Variants in ZNF649 observed in about 807,000 individuals in gnomAD.
ZNF649 encodes the protein zinc finger protein 649.
ZNF649 carries 7 observed loss-of-function variants against 14.1 expected under a neutral mutation model. That is an observed-to-expected ratio of 0.49 (90% CI 0.28 to 0.93). ZNF649 has a LOEUF of 0.93. ZNF649 is among the 40% of genes least tolerant of loss of function. The probability of loss-of-function intolerance (pLI) is 0.10; values close to 1 mark genes in which losing one functional copy is unlikely to be tolerated. For synonymous variants in ZNF649, 227 were observed against 212.3 expected (o/e 1.07, Z -0.60); for missense variants, 544 against 608.1 (o/e 0.89, Z 1.11).
intron 4 of ZNF649, among the ~76,000 whole-genome samples, chr19:51,892,457 T>C (rs1356951493): frequency 6.6e-6 from 1 of 151,884 alleles, no homozygotes; most frequent in African/African-American, 2.4e-5. Flanking sequence ...GGTGGGAAGA[T>C]CACTTGAGCC....
intron 4 of ZNF649, among the ~76,000 whole-genome samples, chr19:51,894,589 G>A: frequency 6.6e-6 from 1 of 152,060 alleles, no homozygotes; most frequent in East Asian, 1.9e-4. Context: ...GACCACTGTA[G>A]GTTACATTTC....
chr19:51,891,175 T>G lies in ZNF649; in HGVS notation c.961A>C (p.Ser321Arg), dbSNP rs1271540786. 1 of 1,614,252 alleles carries G rather than the reference T, an allele frequency of 6.2e-7. No homozygotes were observed. Among genetic ancestry groups the G allele is most frequent in the Non-Finnish European group, 8.5e-7 (1 of 1,180,044 alleles). The stretch of plus-strand genomic sequence containing the variant: ...TGAATGAAGCCTTTTCCACATTCAC[T>G]GCATGTATGAGGCTTCTCTCCTGTA... ...THTGEKPHTCSECGKGFIQKG... is the reference protein window; with the variant it reads ...THTGEKPHTCRECGKGFIQKG... Residue 321 changes from serine to arginine, a missense_variant, in exon 5 of 5, where the codon AGT becomes CGT. Coordinates refer to ENST00000354957, the MANE Select transcript of ZNF649 (RefSeq NM_023074.4). The surrounding 1 kb of genome is among the most constrained non-coding windows in gnomAD (Gnocchi z 4.2).
chr19:51,896,708 T>G, intron 3 of ZNF649, 141 bp from the exon 4 acceptor site: 3 of 1,567,702 alleles, frequency 1.9e-6, no homozygotes, highest in East Asian at 2.2e-5. Flanking sequence ...CGAAGGAAGA[T>G]TATGCCTCTT....
At chr19:51,893,894 A>G in intron 4 of ZNF649, among the ~76,000 whole-genome samples, 1 of 152,170 alleles carries the variant, frequency 6.6e-6, no homozygotes, top group East Asian at 1.9e-4. Context: ...TCAGCTATAC[A>G]GTATGATTGC....
Position 51,891,535 on chromosome 19 carries a change from T to C in ZNF649, c.601A>G (p.Thr201Ala), listed in dbSNP as rs570804422. ...SQLTEHKRIH[T>A]GKKPHVCSLC... ...CTACACACGTGGGGTTTCTTTCCTG[T>C]ATGAATTCTCTTATGCTCAGTGAGC... Residue 201 changes from threonine to alanine, a missense_variant, in exon 5 of 5, where the codon ACA becomes GCA. Coordinates refer to ENST00000354957, the MANE Select transcript of ZNF649 (RefSeq NM_023074.4). The surrounding 1 kb of genome is among the most constrained non-coding windows in gnomAD (Gnocchi z 4.2). 17 of 1,614,258 alleles carry C rather than the reference T, an allele frequency of 1.1e-5. No individual in the cohort carries two copies. The South Asian group carries it at 1.8e-4, about 17-fold the overall frequency.
chr19:51,894,160 T>G (rs1051401049), intron 4 of ZNF649, among the ~76,000 whole-genome samples: 1 of 151,298 alleles, frequency 6.6e-6, no homozygotes, highest in Non-Finnish European at 1.5e-5. Flanking sequence ...TGAGATGGAG[T>G]CTTGCTCTGT....
chr19:51,896,768 A>G, intron 3 of ZNF649, 84 bp downstream of exon 3: 1 of 1,613,626 alleles, frequency 6.2e-7, no homozygotes, highest in Non-Finnish European at 8.5e-7. Context: ...GGAGCACAGC[A>G]GACATACCAA....
rs202202193 is a variant in ZNF649, at chr19:51,890,741, A to G, written c.1395T>C (p.Asn465=). 1.2e-5 allele frequency: 19 copies of G among 1,614,120 alleles called. No homozygotes were observed. The highest frequency in any genetic ancestry group is 1.4e-5 in the Non-Finnish European group (17 of 1,180,026). Residue 465 remains asparagine, a synonymous_variant, in exon 5 of 5, where the codon AAT becomes AAC. Transcript: ENST00000354957. ...EKRGDSVKVE[N]PSTASHSLSP... ...TTAAGCTGTGACTTGCTGTGGAAGG[A>G]TTTTCCACCTTCACTGAATCCCCCC... is the stretch of plus-strand genomic sequence containing the variant.
chr19:51,903,078 G>A (rs892638548), intron 1 of ZNF649, among the ~76,000 whole-genome samples: 1 of 147,262 alleles, frequency 6.8e-6, no homozygotes, highest in Non-Finnish European at 1.5e-5. Flanking sequence ...AGAGGCAGAT[G>A]GAAGGGATAG....
chr19:51,896,386 A>G (rs2085062419), intron 4 of ZNF649, 86 bp downstream of exon 4: 1 of 1,195,330 alleles, frequency 8.4e-7, no homozygotes. Context: ...GTCTCCCTAG[A>G]CACTTTCACA....
At chr19:51,893,392 A>AG (rs113279805) in intron 4 of ZNF649, among the ~76,000 whole-genome samples, 16,370 of 151,850 alleles carry the variant, frequency 0.11, 1,485 homozygotes, top group South Asian at 0.24. Context: ...AAAAAAAAAA[A>AG]AGTTTCCCCT....
At position 51,904,458 on chromosome 19, in the gene ZNF649, T is replaced by TA. The variant is rs147689827; in HGVS notation, c.-188+455dup. 6.1e-3 allele frequency among the ~76,000 whole-genome samples: 926 copies of TA among 151,884 alleles called. 9 individuals are homozygous for TA. The highest frequency in any genetic ancestry group is 0.02 in the African/African-American group (836 of 41,420). On this transcript the variant is annotated intron_variant, in intron 1 of 4. Coordinates refer to ENST00000354957, the MANE Select transcript of ZNF649 (RefSeq NM_023074.4). Reference sequence around the variant, plus strand: ...CAGCCAGGGGCCTGGGCTTGTAAAATACCAGATTTTACAAGCCTCTGAGCC... The same window carrying TA: ...CAGCCAGGGGCCTGGGCTTGTAAAATAACCAGATTTTACAAGCCTCTGAGCC...
rs2085021860 is a variant in ZNF649 at position 51,891,448 on chromosome 19, C to T, written c.688G>A (p.Gly230Arg). 6.2e-7 allele frequency: 1 copy of T among 1,613,868 alleles called. No homozygotes were observed. Among genetic ancestry groups the T allele is most frequent in the Non-Finnish European group, 8.5e-7 (1 of 1,179,736 alleles). The change falls in exon 5 of 5, where the codon GGA (glycine) becomes AGA (arginine). Residue 230 changes from glycine (G) to arginine (R), a missense_variant. Gly to Arg is a moderately radical substitution (Grantham distance 125). Coordinates refer to ENST00000354957, the MANE Select transcript of ZNF649 (RefSeq NM_023074.4). The surrounding 1 kb of genome is among the most constrained non-coding windows in gnomAD (Gnocchi z 4.2). ...AAGCTACACCCGTGGGGTTTCTCTC[C>T]TCTGTGAGCTCTCTCGTGTTCAGTG... Reference protein sequence around the residue: ...RLTEHERAHRGEKPHGCSLCG... With the variant: ...RLTEHERAHRREKPHGCSLCG...
At position 51,890,631 on chromosome 19, in the gene ZNF649, A is replaced by G; in HGVS notation, c.1505T>C (p.Ile502Thr). Residue 502 changes from isoleucine (I) to threonine (T), a missense_variant, in exon 5 of 5, where the codon ATC (isoleucine) becomes ACC (threonine). Coordinates refer to ENST00000354957, the MANE Select transcript of ZNF649 (RefSeq NM_023074.4). ...GCAAACTGTTTATCATGAATGCAGG[A>G]TGTGGGCAAACTCACACTGCCCTGC... ...MVAGQCEFAH[I>T]LHS The G allele has an allele frequency of 1.2e-6, 2 of 1,607,720 alleles. No homozygotes were observed. The highest frequency in any genetic ancestry group is 1.7e-6 in the Non-Finnish European group (2 of 1,174,772).
chr19:51,890,633 G>A lies in ZNF649; in HGVS notation c.1503C>T (p.His501=). The A allele has an allele frequency of 1.2e-6, 2 of 1,607,838 alleles. No individual in the cohort carries two copies. The highest frequency in any genetic ancestry group is 1.7e-6 in the Non-Finnish European group (2 of 1,174,892). The change falls in exon 5 of 5, where the codon CAC becomes CAT. Residue 501 remains histidine, a synonymous_variant. Transcript: ENST00000354957. Reference sequence around the variant, plus strand: ...AAACTGTTTATCATGAATGCAGGATGTGGGCAAACTCACACTGCCCTGCCA... The same window carrying A: ...AAACTGTTTATCATGAATGCAGGATATGGGCAAACTCACACTGCCCTGCCA... ...AMVAGQCEFA[H]ILHS is the part of the protein sequence containing the mutation.
At chr19:51,894,318 G>GT (rs1168315634) in intron 4 of ZNF649, among the ~76,000 whole-genome samples, 1 of 151,996 alleles carries the variant, frequency 6.6e-6, no homozygotes, top group Non-Finnish European at 1.5e-5. Flanking sequence ...ATTTTATGTA[G>GT]AGACAGGGTT....
At chr19:51,896,221 C>A in intron 4 of ZNF649, 2 of 342,350 alleles carry the variant, frequency 5.8e-6, no homozygotes, top group Non-Finnish European at 1.1e-5. Context: ...AAAATCCAAG[C>A]AAGAAGAACT....
At chr19:51,897,499 A>G (rs939554703) in intron 2 of ZNF649, among the ~76,000 whole-genome samples, 1 of 152,206 alleles carries the variant, frequency 6.6e-6, no homozygotes, top group Non-Finnish European at 1.5e-5. Context: ...GTCATATAGT[A>G]CGTGCAGAAT....
chr19:51,900,356 T>C (rs1314504286), intron 1 of ZNF649, 62 bp from the exon 2 acceptor site: 1 of 390,144 alleles, frequency 2.6e-6, no homozygotes, highest in Admixed American at 4.4e-5. Context: ...ATGCTGTCTC[T>C]GCTGCTGTAA....
Sources: allele counts gnomAD v4.1 joint callset (sites outside exome capture counted in the v4.1 genomes callset), GRCh38; gene constraint gnomAD v4.1.1; non-coding constraint Gnocchi (gnomAD v3.1); transcripts MANE v1.5; gene names NCBI Gene and HGNC (gene_info 2026-07-23, HGNC 2026-07-21).